DOCK1: variants seen among roughly 807,000 people sequenced by gnomAD.
DOCK1 encodes the protein dedicator of cytokinesis protein 1.
Under a neutral mutation model 262.7 loss-of-function variants are expected in DOCK1, and 138 were observed. The observed-to-expected ratio is 0.53, with a 90% CI of 0.46 to 0.61. DOCK1 has a LOEUF of 0.61. Among genes scored for constraint, DOCK1 ranks in the 20% least tolerant of loss-of-function variants. The pLI is 0.00. For synonymous variants in DOCK1, 866 were observed against 867.4 expected (o/e 1.00, Z 0.03); for missense variants, 1,908 against 2,370.7 (o/e 0.80, Z 4.05).
chr10:127,255,997 G>T (rs1270677661), intron 28 of DOCK1, among the ~76,000 whole-genome samples: 2 of 152,202 alleles, frequency 1.3e-5, no homozygotes, highest in Admixed American at 6.5e-5. Context: ...CCGCTCCTGA[G>T]AGCAGGTGGA....
intron 38 of DOCK1, among the ~76,000 whole-genome samples, chr10:127,390,145 GC>G (rs1347946640): frequency 6.6e-6 from 1 of 152,138 alleles, no homozygotes; most frequent in Non-Finnish European, 1.5e-5. Context: ...TTCCTGTACA[GC>G]CTATGGAACT....
At chr10:127,319,938 G>T (rs1286892116) in intron 29 of DOCK1, among the ~76,000 whole-genome samples, 1 of 152,182 alleles carries the variant, frequency 6.6e-6, no homozygotes, top group African/African-American at 2.4e-5. Context: ...TGGTCCACTT[G>T]TCTGGGATCG....
At chr10:127,262,060 C>CTGTG (rs1171429991) in intron 29 of DOCK1, among the ~76,000 whole-genome samples, 1 of 92,144 alleles carries the variant, frequency 1.1e-5, no homozygotes, top group Non-Finnish European at 2.1e-5. Context: ...CTGTGCTCTT[C>CTGTG]TGTGTGTGTG....
intron 40 of DOCK1, among the ~76,000 whole-genome samples, 157 bp from the exon 41 acceptor site, chr10:127,408,880 A>G (rs1590933480): frequency 8.9e-6 from 1 of 112,192 alleles, no homozygotes; most frequent in African/African-American, 3.1e-5. Context: ...AACAAAGCCA[A>G]CGCAAGTACA....
At chr10:127,103,778 G>C (rs759786492) in intron 23 of DOCK1, among the ~76,000 whole-genome samples, 4 of 152,152 alleles carry the variant, frequency 2.6e-5, no homozygotes, top group Non-Finnish European at 5.9e-5. Flanking sequence ...CAGTTTTTGT[G>C]AATGTAGGTT....
intron 29 of DOCK1, among the ~76,000 whole-genome samples, chr10:127,289,771 C>T (rs368617025): frequency 3.3e-5 from 5 of 151,872 alleles, no homozygotes; most frequent in East Asian, 3.9e-4. Flanking sequence ...ACAGTATCTC[C>T]GTTATCATTA....
chr10:127,204,897 C>T (rs931114138), intron 27 of DOCK1, among the ~76,000 whole-genome samples: 2 of 152,130 alleles, frequency 1.3e-5, no homozygotes, highest in Non-Finnish European at 2.9e-5. Flanking sequence ...CTATGACCCG[C>T]CTCCAGATCA....
At chr10:127,013,404 C>G (rs985801526) in intron 12 of DOCK1, 1 of 152,216 alleles carries the variant, frequency 6.6e-6, no homozygotes, top group African/African-American at 2.4e-5. Context: ...TGGAGTCACT[C>G]TCAGGCTGGG....
chr10:127,169,188 G>A (rs1024006868), intron 27 of DOCK1, among the ~76,000 whole-genome samples: 4 of 152,150 alleles, frequency 2.6e-5, no homozygotes, highest in African/African-American at 9.7e-5. Context: ...TTAGGTATAT[G>A]TGTGTCATAC....
intron 37 of DOCK1, among the ~76,000 whole-genome samples, chr10:127,382,666 GC>G (rs1332575425): frequency 2.0e-5 from 3 of 152,188 alleles, no homozygotes; most frequent in Non-Finnish European, 2.9e-5. Flanking sequence ...AATTTCAGTA[GC>G]AAGGTGTTTT....
At chr10:127,356,012 T>G (rs2064128160) in intron 32 of DOCK1, among the ~76,000 whole-genome samples, 1 of 152,244 alleles carries the variant, frequency 6.6e-6, no homozygotes, top group Non-Finnish European at 1.5e-5. Context: ...AAAGAGAACC[T>G]GCACCATTGC....
Position 126,995,081 on chromosome 10 carries a change from C to T in DOCK1, c.474-1667C>T, listed in dbSNP as rs536226437. On this transcript the variant is annotated intron_variant, in intron 6 of 51. Transcript: ENST00000623213. The surrounding 1 kb of genome is among the most constrained non-coding windows in gnomAD (Gnocchi z 5.8). The stretch of plus-strand genomic sequence containing the variant: ...GCAGAGGCGCTCTTCACATCTCAGA[C>T]GGGGCGGCAGGGCAGAGGCGCTCCC... Among the ~76,000 whole-genome samples the T allele has an allele frequency of 8.9e-5, 13 of 146,360 alleles. No homozygotes were observed. The highest frequency in any genetic ancestry group is 8.2e-4 in the East Asian group (4 of 4,882).
chr10:127,381,345 C>G lies in DOCK1; in HGVS notation c.3784C>G (p.Leu1262Val). The G allele has an allele frequency of 1.2e-6, 2 of 1,612,222 alleles. No individual in the cohort carries two copies. The highest frequency in any genetic ancestry group is 1.7e-6 in the Non-Finnish European group (2 of 1,178,766). Residue 1262 changes from leucine (L) to valine (V), a missense_variant, in exon 37 of 52, where the codon CTT becomes GTT. Leu to Val is a conservative substitution (Grantham distance 32). Around this residue, in one of 9 missense-constraint regions of DOCK1, gnomAD observed 267 missense variants for 366.3 expected, o/e 0.73. Coordinates refer to ENST00000623213, the MANE Select transcript of DOCK1 (RefSeq NM_001290223.2). ...DNYTEAAYTL[L>V]LHAKLLKWSE... is the part of the protein sequence containing the mutation. ...CTACACCGAAGCGGCTTACACCTTG[C>G]TTCTCCATGCAAAGCTTCTTAAGGT...
chr10:127,449,645 G>C (rs1365885433), intron 51 of DOCK1, among the ~76,000 whole-genome samples: 1 of 152,186 alleles, frequency 6.6e-6, no homozygotes, highest in African/African-American at 2.4e-5. Context: ...TGGTTAGTAT[G>C]TCATCATTAG....
At chr10:127,399,850 C>T (rs192465951) in intron 38 of DOCK1, among the ~76,000 whole-genome samples, 1 of 152,258 alleles carries the variant, frequency 6.6e-6, no homozygotes, top group Admixed American at 6.5e-5. Context: ...TTTAAAAAAA[C>T]GTTAAAAGTA....
chr10:127,310,606 A>G (rs889827824), intron 29 of DOCK1, among the ~76,000 whole-genome samples: 4 of 152,198 alleles, frequency 2.6e-5, no homozygotes, highest in Admixed American at 1.3e-4. Flanking sequence ...TTCTCGTAAA[A>G]GCGTTCTCTA....
intron 32 of DOCK1, 30 bp from the exon 33 acceptor site, chr10:127,362,034 T>C (rs953775415): frequency 6.3e-7 from 1 of 1,578,296 alleles, no homozygotes; most frequent in Non-Finnish European, 8.6e-7. Context: ...TTTTTCTTTA[T>C]TTCTGAATAT....
chr10:127,442,113 C>A (rs941025607), intron 49 of DOCK1, among the ~76,000 whole-genome samples: 6 of 151,930 alleles, frequency 3.9e-5, no homozygotes, highest in Non-Finnish European at 8.8e-5. Context: ...CGCTTGGCTC[C>A]CCCGACAGCA....
chr10:127,113,838 C>G (rs1263541283), intron 25 of DOCK1, among the ~76,000 whole-genome samples: 3 of 152,098 alleles, frequency 2.0e-5, no homozygotes, highest in African/African-American at 7.2e-5. Flanking sequence ...CTATCCAGGC[C>G]CTCAAGGATT....
Sources: allele counts gnomAD v4.1 joint callset (sites outside exome capture counted in the v4.1 genomes callset), GRCh38; gene constraint gnomAD v4.1.1; regional missense constraint gnomAD v4.1.1; non-coding constraint Gnocchi (gnomAD v3.1); transcripts MANE v1.5; gene names NCBI Gene and HGNC (gene_info 2026-07-23, HGNC 2026-07-21).